CTNNA3: variants seen among roughly 807,000 people sequenced by gnomAD.
CTNNA3 encodes catenin alpha-3.
Under a neutral mutation model 95.7 loss-of-function variants are expected in CTNNA3, and 76 were observed. The observed-to-expected ratio is 0.79, with a 90% confidence interval of 0.66 to 0.96. The LOEUF (loss-of-function observed/expected upper bound fraction) is 0.96, where lower values mean the gene tolerates loss of function less well. CTNNA3 is among the 40% of genes least tolerant of loss of function. CTNNA3 has a pLI of 0.00. For synonymous variants in CTNNA3, 431 were observed against 374.4 expected, an observed-to-expected ratio of 1.15 and a Z score of -1.74; for missense variants, 1,191 against 1,089.8, an observed-to-expected ratio of 1.09 and a Z score of -1.31.
intron 7 of CTNNA3, among the ~76,000 whole-genome samples, chr10:67,100,068 G>T (rs1189702343): frequency 6.6e-6 from 1 of 151,676 alleles, no homozygotes; most frequent in African/African-American, 2.4e-5. Context: ...TAACATATTT[G>T]TTAATAAATA....
At chr10:67,598,653 A>C (rs889706742) in intron 3 of CTNNA3, among the ~76,000 whole-genome samples, 1 of 151,128 alleles carries the variant, frequency 6.6e-6, no homozygotes, top group African/African-American at 2.4e-5. Context: ...AGAGAATTTG[A>C]CTCTTGAAAT....
chr10:66,316,155 AC>A (rs1214342038), intron 12 of CTNNA3, among the ~76,000 whole-genome samples: 1 of 152,098 alleles, frequency 6.6e-6, no homozygotes, highest in Non-Finnish European at 1.5e-5. Flanking sequence ...AGAAAGACAA[AC>A]AAAAACAAAT....
chr10:66,304,466 A>AGAAAGAGAAAAAGAG, intron 12 of CTNNA3, among the ~76,000 whole-genome samples: 1 of 152,272 alleles, frequency 6.6e-6, no homozygotes, highest in East Asian at 1.9e-4. Flanking sequence ...ACATAACAGA[A>AGAAAGAGAAAAAGAG]GAAAGAGAAA....
chr10:66,680,512 A>C lies in CTNNA3; in HGVS notation c.1282-58728T>G, dbSNP rs1400883095. Among the ~76,000 whole-genome samples, 4 of 152,204 alleles carry C rather than the reference A, an allele frequency of 2.6e-5. No homozygotes were observed. In the South Asian group the frequency reaches 8.3e-4, roughly 31 times the overall value. Reference sequence around the variant, plus strand: ...GGACAGCCCATGTGGATTGGTATGTATGAATGAACAGCAACATTTCCTTCA... The same window carrying C: ...GGACAGCCCATGTGGATTGGTATGTCTGAATGAACAGCAACATTTCCTTCA... On this transcript the variant is annotated intron_variant, in intron 9 of 17. Coordinates refer to ENST00000433211, the MANE Select transcript of CTNNA3 (RefSeq NM_013266.4).
intron 6 of CTNNA3, among the ~76,000 whole-genome samples, chr10:67,216,605 T>C (rs1303850452): frequency 6.6e-6 from 1 of 152,158 alleles, no homozygotes; most frequent in African/African-American, 2.4e-5. Context: ...GATATAACAG[T>C]AAACAATGAC....
intron 7 of CTNNA3, among the ~76,000 whole-genome samples, chr10:67,176,203 T>C (rs1862237460): frequency 6.6e-6 from 1 of 152,180 alleles, no homozygotes; most frequent in African/African-American, 2.4e-5. Context: ...GATATTTACA[T>C]TGATTTCCAG....
chr10:66,861,536 C>A (rs1843928198), intron 7 of CTNNA3, among the ~76,000 whole-genome samples: 1 of 152,068 alleles, frequency 6.6e-6, no homozygotes, highest in Admixed American at 6.6e-5. Context: ...CCATCTCAGA[C>A]CCTGAACTAG....
At chr10:66,380,410 G>C (rs373431988) in intron 11 of CTNNA3, among the ~76,000 whole-genome samples, 1 of 152,126 alleles carries the variant, frequency 6.6e-6, no homozygotes. Flanking sequence ...AGAAGTTCAA[G>C]ACCAGCCTGG....
rs1295709638 is a variant in CTNNA3 at position 66,957,901 on chromosome 10, T to TA, written c.1048-182378dup. ...TCTCTCTCCTTCTGCCACCTGGACT[T>TA]ACGCATATGAACCCTACATATGGCC... On this transcript the variant is annotated intron_variant, in intron 7 of 17. Coordinates refer to ENST00000433211, the MANE Select transcript of CTNNA3 (RefSeq NM_013266.4). Among the ~76,000 whole-genome samples, 5 of 152,100 alleles carry TA rather than the reference T, an allele frequency of 3.3e-5. No homozygotes were observed. The East Asian group carries it at 7.8e-4, about 24-fold the overall frequency.
chr10:67,386,326 G>C (rs1189872644), intron 5 of CTNNA3, among the ~76,000 whole-genome samples: 1 of 152,108 alleles, frequency 6.6e-6, no homozygotes, highest in Non-Finnish European at 1.5e-5. Context: ...TCAACTACTT[G>C]GAATTCTTCT....
intron 12 of CTNNA3, among the ~76,000 whole-genome samples, chr10:66,319,327 C>T (rs1042620142): frequency 6.6e-6 from 1 of 152,092 alleles, no homozygotes; most frequent in African/African-American, 2.4e-5. Context: ...TCTCCCTTTA[C>T]ATTAACGGAA....
chr10:67,281,273 G>T (rs1228534538), intron 5 of CTNNA3, among the ~76,000 whole-genome samples: 1 of 152,162 alleles, frequency 6.6e-6, no homozygotes, highest in Non-Finnish European at 1.5e-5. Context: ...TAACAAAAAT[G>T]TTCACTTAAA....
At chr10:66,926,591 T>G (rs960341676) in intron 7 of CTNNA3, 1 of 1,613,958 alleles carries the variant, frequency 6.2e-7, no homozygotes, top group African/African-American at 1.3e-5. Context: ...AGGATGGGTA[T>G]GTTTTGTCAT....
intron 11 of CTNNA3, among the ~76,000 whole-genome samples, chr10:66,398,793 T>G (rs1469434329): frequency 6.6e-6 from 1 of 152,012 alleles, no homozygotes; most frequent in Non-Finnish European, 1.5e-5. Context: ...TTAGCCTACA[T>G]AGCTTATTCT....
intron 7 of CTNNA3, among the ~76,000 whole-genome samples, chr10:66,907,049 T>C (rs1302938414): frequency 6.6e-6 from 1 of 152,188 alleles, no homozygotes; most frequent in Non-Finnish European, 1.5e-5. Flanking sequence ...GAGGTTTTGA[T>C]CAGGCTGCAT....
chr10:66,008,884 G>A (rs2078948777), intron 15 of CTNNA3, among the ~76,000 whole-genome samples: 1 of 152,040 alleles, frequency 6.6e-6, no homozygotes, highest in South Asian at 2.1e-4. Flanking sequence ...GGTGGATCAT[G>A]AGGTCAGGAG....
intron 10 of CTNNA3, among the ~76,000 whole-genome samples, chr10:66,547,640 C>A (rs1324276197): frequency 6.6e-6 from 1 of 151,856 alleles, no homozygotes; most frequent in Non-Finnish European, 1.5e-5. Context: ...CTGCACCCAG[C>A]CTGATTTTTC....
chr10:66,060,232 G>A (rs888757046), intron 15 of CTNNA3, among the ~76,000 whole-genome samples: 2 of 151,840 alleles, frequency 1.3e-5, no homozygotes, highest in Non-Finnish European at 2.9e-5. Flanking sequence ...GATTCCGCGT[G>A]GACAGAATTT....
intron 7 of CTNNA3, among the ~76,000 whole-genome samples, chr10:67,000,595 A>G (rs767115238): frequency 6.6e-6 from 1 of 151,726 alleles, no homozygotes; most frequent in Non-Finnish European, 1.5e-5. Context: ...GAAACCATGA[A>G]CTTATATAAT....
Sources: allele counts gnomAD v4.1 joint callset (sites outside exome capture counted in the v4.1 genomes callset), GRCh38; gene constraint gnomAD v4.1.1; transcripts MANE v1.5; gene names NCBI Gene and HGNC (gene_info 2026-07-23, HGNC 2026-07-21).